Variants in FUT9 observed in about 807,000 individuals in gnomAD.
The protein encoded by FUT9 is 4-galactosyl-N-acetylglucosaminide 3-alpha-L-fucosyltransferase 9.
A neutral mutation model predicts 29.7 loss-of-function variants in FUT9; 15 were observed. That is an observed-to-expected ratio of 0.51 (90% CI 0.34 to 0.78). The LOEUF (loss-of-function observed/expected upper bound fraction) is 0.78. Ranked by LOEUF, FUT9 falls within the 30% of genes least tolerant of loss-of-function variation. The pLI, the probability that FUT9 is intolerant of heterozygous loss-of-function variation, is 0.01. For missense variants in FUT9, 319 were observed against 425.4 expected (o/e 0.75, Z 2.20); for synonymous variants, 169 against 153.7 (o/e 1.10, Z -0.74).
chr6:96,139,536 C>G (rs1197521547), intron 2 of FUT9, among the ~76,000 whole-genome samples: 1 of 152,166 alleles, frequency 6.6e-6, no homozygotes, highest in Non-Finnish European at 1.5e-5. Flanking sequence ...GGTTCTCACC[C>G]CACATTTTCC....
chr6:96,141,946 T>A, intron 2 of FUT9, among the ~76,000 whole-genome samples: 1 of 152,196 alleles, frequency 6.6e-6, no homozygotes, highest in Non-Finnish European at 1.5e-5. Flanking sequence ...CTCTTCTCCA[T>A]TTTACATCCC....
chr6:96,183,460 C>T (rs185444295), intron 2 of FUT9, among the ~76,000 whole-genome samples: 52 of 152,104 alleles, frequency 3.4e-4, no homozygotes, highest in Non-Finnish European at 6.5e-4. Context: ...TCTGATTGGT[C>T]TGAGACTTCC....
chr6:96,096,629 C>A (rs1055934378), intron 1 of FUT9, among the ~76,000 whole-genome samples: 1 of 151,056 alleles, frequency 6.6e-6, no homozygotes, highest in Non-Finnish European at 1.5e-5. Flanking sequence ...ACATGGTTTT[C>A]TCTCAGCCTC....
intron 2 of FUT9, among the ~76,000 whole-genome samples, chr6:96,124,058 T>C (rs1380633740): frequency 6.6e-6 from 1 of 152,078 alleles, no homozygotes; most frequent in East Asian, 1.9e-4. Context: ...TATTTTATTG[T>C]CAAGAAATTA....
intron 1 of FUT9, among the ~76,000 whole-genome samples, chr6:96,029,282 C>T (rs1037489192): frequency 1.3e-5 from 2 of 151,332 alleles, no homozygotes; most frequent in Non-Finnish European, 3.0e-5. Flanking sequence ...TCTGGTAATC[C>T]CTGACGCAAG....
chr6:96,136,000 A>C (rs928728078), intron 2 of FUT9, among the ~76,000 whole-genome samples: 4 of 150,958 alleles, frequency 2.6e-5, no homozygotes, highest in Non-Finnish European at 5.9e-5. Context: ...TTGCCAAAGA[A>C]ATGACTTTTC....
At chr6:96,196,799 C>T (rs1773635009) in intron 2 of FUT9, among the ~76,000 whole-genome samples, 1 of 152,146 alleles carries the variant, frequency 6.6e-6, no homozygotes, top group Admixed American at 6.6e-5. Context: ...TTTAGCATTC[C>T]TTCCTTCTGG....
chr6:96,145,918 T>G (rs986922824), intron 2 of FUT9, among the ~76,000 whole-genome samples: 4 of 145,890 alleles, frequency 2.7e-5, no homozygotes, highest in Non-Finnish European at 4.5e-5. Context: ...CAGGCTGGCA[T>G]GACCACTGCT....
chr6:96,062,208 AT>A (rs1484131051), intron 1 of FUT9, among the ~76,000 whole-genome samples: 1 of 152,108 alleles, frequency 6.6e-6, no homozygotes, highest in Non-Finnish European at 1.5e-5. Flanking sequence ...AAAGAAAAAA[AT>A]CTGAAAATAT....
At chr6:96,166,227 C>G (rs9390961) in intron 2 of FUT9, among the ~76,000 whole-genome samples, 24,162 of 151,798 alleles carry the variant, frequency 0.16, 2,129 homozygotes, top group Admixed American at 0.25. Flanking sequence ...GGCTTAATGG[C>G]TGAAATCTTT....
At chr6:96,022,801 G>A (rs1236835353) in intron 1 of FUT9, among the ~76,000 whole-genome samples, 1 of 151,840 alleles carries the variant, frequency 6.6e-6, no homozygotes, top group African/African-American at 2.4e-5. Flanking sequence ...TTCAGGATCA[G>A]GAGTTCAGTT....
At chr6:96,190,576 T>C (rs1478438698) in intron 2 of FUT9, among the ~76,000 whole-genome samples, 2 of 152,220 alleles carry the variant, frequency 1.3e-5, no homozygotes, top group Non-Finnish European at 2.9e-5. Context: ...TTCCACATAG[T>C]CCCATATTTC....
At chr6:96,083,781 C>T (rs1465087371) in intron 1 of FUT9, among the ~76,000 whole-genome samples, 1 of 151,992 alleles carries the variant, frequency 6.6e-6, no homozygotes, top group Non-Finnish European at 1.5e-5. Flanking sequence ...AGCATAATAA[C>T]CCTTCAAATA....
intron 1 of FUT9, among the ~76,000 whole-genome samples, chr6:96,051,936 A>G (rs1024199222): frequency 6.6e-6 from 1 of 152,104 alleles, no homozygotes; most frequent in Admixed American, 6.6e-5. Context: ...ACAATCTTTG[A>G]GAATTGTGGT....
intron 1 of FUT9, among the ~76,000 whole-genome samples, chr6:96,060,575 C>CA (rs1479455656): frequency 3.8e-4 from 57 of 150,534 alleles, no homozygotes; most frequent in African/African-American, 1.1e-3. Context: ...CTCTCTCTGT[C>CA]ACCCAGGCTG....
intron 2 of FUT9, among the ~76,000 whole-genome samples, chr6:96,175,047 T>A (rs1197838688): frequency 1.3e-5 from 2 of 152,168 alleles, no homozygotes; most frequent in African/African-American, 4.8e-5. Flanking sequence ...CCGATCACGA[T>A]TTTACCTTAA....
chr6:96,136,067 C>T (rs996121186), intron 2 of FUT9, among the ~76,000 whole-genome samples: 1 of 151,484 alleles, frequency 6.6e-6, no homozygotes, highest in Non-Finnish European at 1.5e-5. Flanking sequence ...TGTAAAAGAG[C>T]TGATGGCTTA....
chr6:96,055,515 A>G (rs76177229), intron 1 of FUT9, among the ~76,000 whole-genome samples: 1 of 151,802 alleles, frequency 6.6e-6, no homozygotes, highest in Non-Finnish European at 1.5e-5. Context: ...TTTTAAAAAA[A>G]TCTTCTCTTT....
chr6:96,134,550 G>A (rs1310611812), intron 2 of FUT9, among the ~76,000 whole-genome samples: 1 of 151,684 alleles, frequency 6.6e-6, no homozygotes, highest in African/African-American at 2.4e-5. Flanking sequence ...TTCTCCTTCA[G>A]TTCATAAAAG....
Sources: gnomAD v4.1 joint callset for allele counts (sites outside exome capture counted in the v4.1 genomes callset) on GRCh38, gnomAD v4.1.1 for gene constraint, MANE v1.5 for transcripts, NCBI Gene and HGNC (gene_info 2026-07-23, HGNC 2026-07-21) for gene names.